Variants in PROM1 observed in about 807,000 individuals in gnomAD.
PROM1 encodes the protein prominin 1, also known as prominin-1.
A neutral mutation model predicts 116.9 loss-of-function variants in PROM1; 105 were observed. That is an observed-to-expected ratio of 0.90 (90% CI 0.77 to 1.06). The LOEUF (loss-of-function observed/expected upper bound fraction) is 1.06. Ranked by LOEUF, PROM1 falls within the 50% of genes least tolerant of loss-of-function variation. PROM1 has a pLI of 0.00. For synonymous variants in PROM1, 393 were observed against 387.0 expected (o/e 1.02, Z -0.18); for missense variants, 1,122 against 1,045.2 (o/e 1.07, Z -1.01).
rs1216414727 is a variant in PROM1 at position 16,004,962 on chromosome 4, TC to T, written c.1454+1575del. Among the ~76,000 whole-genome samples, 699 of 76,612 alleles carry T rather than the reference TC, an allele frequency of 9.1e-3. 10 individuals are homozygous for T. The highest frequency in any genetic ancestry group is 0.033 in the African/African-American group (658 of 20,192). The allele number at this position is 76,612 out of a possible 152,430, so 50.3% of individuals were successfully genotyped here. On this transcript the variant is annotated intron_variant, in intron 13 of 27. Coordinates refer to ENST00000447510, the MANE Select transcript of PROM1 (RefSeq NM_006017.3). ...CTTTTTTTCTTTATTTCTCGCTCTC[TC>T]TTTTTTTTTTTTTTTTTTGACAGAG...
intron 26 of PROM1, among the ~76,000 whole-genome samples, chr4:15,976,427 G>C (rs1400164368): frequency 2.6e-5 from 4 of 152,210 alleles, no homozygotes; most frequent in Non-Finnish European, 4.4e-5. Flanking sequence ...TTAAGTCTTT[G>C]ACGCTACACG....
chr4:15,983,063 G>C (rs902111807), intron 23 of PROM1, among the ~76,000 whole-genome samples: 1 of 152,202 alleles, frequency 6.6e-6, no homozygotes, highest in Non-Finnish European at 1.5e-5. Flanking sequence ...ATGGAGTGGA[G>C]AGTCTAGAGT....
intron 5 of PROM1, among the ~76,000 whole-genome samples, chr4:16,028,327 T>C (rs949587826): frequency 2.6e-5 from 4 of 152,106 alleles, no homozygotes; most frequent in Non-Finnish European, 5.9e-5. Flanking sequence ...TCATGGGAGC[T>C]GGGAGATCAA....
intron 26 of PROM1, among the ~76,000 whole-genome samples, chr4:15,978,246 A>C (rs1179326167): frequency 6.6e-6 from 1 of 152,216 alleles, no homozygotes; most frequent in Non-Finnish European, 1.5e-5. Context: ...TAGCAGCTGG[A>C]ATGCACTCAG....
At chr4:15,977,430 G>A (rs1359028963) in intron 26 of PROM1, among the ~76,000 whole-genome samples, 1 of 152,118 alleles carries the variant, frequency 6.6e-6, no homozygotes, top group African/African-American at 2.4e-5. Context: ...ACCGCAAAAA[G>A]GAAGGCCAGG....
chr4:16,006,680 C>T lies in PROM1; in HGVS notation c.1312G>A (p.Gly438Ser), dbSNP rs1203054882. ...EEYDSYWWLGGLVICSLLTLI... is the reference protein window; with the variant it reads ...EEYDSYWWLGSLVICSLLTLI... ...GTCAGCAGAGAGCAGATGACCAGGC[C>T]ACCCAGCCACCTGGAGAGGCAAGCA... Residue 438 changes from glycine (G) to serine (S), a missense_variant, in exon 13 of 28, where the codon GGC (glycine) becomes AGC (serine). By Grantham distance (56) the Gly-to-Ser change is moderately conservative (BLOSUM62 0). Coordinates refer to ENST00000447510, the MANE Select transcript of PROM1 (RefSeq NM_006017.3). 1.9e-6 allele frequency: 3 copies of T among 1,612,960 alleles called. No homozygotes were observed. Among genetic ancestry groups the T allele is most frequent in the East Asian group, 2.2e-5 (1 of 44,854 alleles).
chr4:16,055,264 G>A (rs1738742110), intron 2 of PROM1: 1 of 374,460 alleles, frequency 2.7e-6, no homozygotes, highest in African/African-American at 2.1e-5. Flanking sequence ...GCTGGTCATG[G>A]TGGCTTACGT....
At position 15,995,041 on chromosome 4, in the gene PROM1, G is replaced by A. The variant is rs1277231152; in HGVS notation, c.1683-970C>T. Among the ~76,000 whole-genome samples the A allele has an allele frequency of 3.9e-5, 6 of 152,204 alleles. No individual in the cohort carries two copies. In the East Asian group the frequency reaches 1.2e-3, roughly 29 times the overall value. On this transcript the variant is annotated intron_variant, in intron 15 of 27. Transcript: ENST00000447510. Reference sequence around the variant, plus strand: ...TGGTGAACGGGTTTAACTGTACAGAGAAAAGCCAATGGATTGCTAATGTAT... The same window carrying A: ...TGGTGAACGGGTTTAACTGTACAGAAAAAAGCCAATGGATTGCTAATGTAT...
At position 16,003,480 on chromosome 4, in the gene PROM1, T is replaced by C. The variant is rs1435184209; in HGVS notation, c.1455-2861A>G. The C allele has an allele frequency of 8.9e-6, 4 of 450,252 alleles. No individual in the cohort carries two copies. The Admixed American group carries it at 9.4e-5, about 11-fold the overall frequency. 27.9% of individuals were successfully genotyped at this position (450,252 alleles called of 1,614,324 possible). A position where few individuals can be genotyped will look rare whatever the true frequency, so the allele number is the denominator to read the frequency against. On this transcript the variant is annotated intron_variant, in intron 13 of 27. Transcript: ENST00000447510. ...ACCAGCCATAGGAATGTGCCCAGTT[T>C]GTGATACCTGTGGCTGCTCTTGGCA...
intron 5 of PROM1, among the ~76,000 whole-genome samples, chr4:16,031,195 T>A (rs1732617922): frequency 6.6e-6 from 1 of 152,354 alleles, no homozygotes; most frequent in South Asian, 2.1e-4. Context: ...ACTTGTTAAA[T>A]AAGTAATCAT....
chr4:16,035,728 AC>A lies in PROM1; in HGVS notation c.303+6del. On this transcript the variant is annotated splice_donor_region_variant and intron_variant, in intron 4 of 27. Transcript: ENST00000447510. ...GAGCAACTTGAAATAGCAGACAAGG[AC>A]TTTACCTTTAGACCTAAGATTACAG... 1 of 1,612,084 alleles carries A rather than the reference AC, an allele frequency of 6.2e-7. No homozygotes were observed. The highest frequency in any genetic ancestry group is 8.5e-7 in the Non-Finnish European group (1 of 1,178,144).
At chr4:16,033,883 A>AG (rs1733366949) in intron 4 of PROM1, among the ~76,000 whole-genome samples, 1 of 149,858 alleles carries the variant, frequency 6.7e-6, no homozygotes, top group African/African-American at 2.5e-5. Context: ...TGCCATCATT[A>AG]GTTGAATCTG....
chr4:15,970,435 AGT>A (rs1714187418), intron 27 of PROM1, among the ~76,000 whole-genome samples: 1 of 151,934 alleles, frequency 6.6e-6, no homozygotes, highest in Non-Finnish European at 1.5e-5. Flanking sequence ...GGCCTCCCAT[AGT>A]GCTGGGATTA....
At chr4:16,008,911 T>G (rs758583080) in intron 12 of PROM1, 38 bp downstream of exon 12, 1 of 1,514,502 alleles carries the variant, frequency 6.6e-7, no homozygotes, top group Middle Eastern at 2.1e-4. Flanking sequence ...TCTACAAAGT[T>G]CACTCTCGTA....
intron 23 of PROM1, among the ~76,000 whole-genome samples, chr4:15,983,989 C>G (rs28577571): frequency 6.6e-6 from 1 of 152,124 alleles, no homozygotes; most frequent in Non-Finnish European, 1.5e-5. Context: ...TCTGCACACC[C>G]GTGACTGTCT....
At chr4:16,044,100 T>C (rs950476379) in intron 2 of PROM1, among the ~76,000 whole-genome samples, 8 of 152,212 alleles carry the variant, frequency 5.3e-5, no homozygotes, top group African/African-American at 1.9e-4. Flanking sequence ...TTTTGTGATG[T>C]CTGAGCCACG....
chr4:16,076,996 A>AT, intron 1 of PROM1, among the ~76,000 whole-genome samples: 1 of 152,350 alleles, frequency 6.6e-6, no homozygotes, highest in Admixed American at 6.5e-5. Context: ...AAAGCCAGGT[A>AT]TTGTCCAAGG....
chr4:16,045,719 T>TA (rs1736395726), intron 2 of PROM1, among the ~76,000 whole-genome samples: 3 of 152,168 alleles, frequency 2.0e-5, no homozygotes, highest in Admixed American at 2.0e-4. Context: ...AGCACCCACA[T>TA]ACACTGAGAT....
intron 1 of PROM1, chr4:16,083,426 A>G: frequency 6.7e-6 from 1 of 149,032 alleles, no homozygotes; most frequent in Non-Finnish European, 1.5e-5. Context: ...TTTGGGTTGG[A>G]CGGGCACCGG....
Sources: allele counts gnomAD v4.1 joint callset (sites outside exome capture counted in the v4.1 genomes callset), GRCh38; gene constraint gnomAD v4.1.1; transcripts MANE v1.5; gene names NCBI Gene and HGNC (gene_info 2026-07-23, HGNC 2026-07-21).